Variants in LRRC49 observed in about 807,000 individuals in gnomAD.
LRRC49 encodes leucine-rich repeat-containing protein 49.
A neutral mutation model predicts 83.3 loss-of-function variants in LRRC49; 50 were observed. That is an observed-to-expected ratio of 0.60 (90% CI 0.48 to 0.76). LRRC49 has a LOEUF of 0.76. Ranked by LOEUF, LRRC49 falls within the 30% of genes least tolerant of loss-of-function variation. The probability of loss-of-function intolerance (pLI) is 0.00; values close to 1 mark genes in which losing one functional copy is unlikely to be tolerated. For synonymous variants in LRRC49, 286 were observed against 283.3 expected (o/e 1.01, Z -0.10); for missense variants, 704 against 809.1 (o/e 0.87, Z 1.58).
At chr15:70,949,361 T>G (rs534783387) in intron 8 of LRRC49, among the ~76,000 whole-genome samples, 74 of 152,312 alleles carry the variant, frequency 4.9e-4, no homozygotes, top group Non-Finnish European at 9.7e-4. Flanking sequence ...CATTATAACA[T>G]CATACCGCAA....
chr15:71,034,690 C>T (rs1054634014), intron 14 of LRRC49, among the ~76,000 whole-genome samples: 1 of 152,106 alleles, frequency 6.6e-6, no homozygotes, highest in Non-Finnish European at 1.5e-5. Context: ...ATGGAATATG[C>T]CATGGAATAC....
intron 2 of LRRC49, among the ~76,000 whole-genome samples, chr15:70,878,703 A>G (rs1238002616): frequency 1.3e-5 from 2 of 152,234 alleles, no homozygotes. Flanking sequence ...ATCTAGTAAG[A>G]TGAAGGTGAC....
chr15:70,944,730 T>C (rs1274296125), intron 8 of LRRC49, among the ~76,000 whole-genome samples: 1 of 152,170 alleles, frequency 6.6e-6, no homozygotes, highest in Non-Finnish European at 1.5e-5. Context: ...CTCTTATCAT[T>C]TCTATCTATT....
chr15:70,953,258 T>C (rs1365883936), intron 8 of LRRC49, among the ~76,000 whole-genome samples: 2 of 152,224 alleles, frequency 1.3e-5, no homozygotes, highest in African/African-American at 2.4e-5. Context: ...GTCTTTATGG[T>C]GGCAGGTATC....
chr15:70,911,582 A>G lies in LRRC49; in HGVS notation c.551A>G (p.Asp184Gly). The G allele has an allele frequency of 6.4e-7, 1 of 1,574,128 alleles. No individual in the cohort carries two copies. Among genetic ancestry groups the G allele is most frequent in the Non-Finnish European group, 8.6e-7 (1 of 1,160,856 alleles). ...LENLKSLDVLDLHGNQITKIE... is the reference protein window; with the variant it reads ...LENLKSLDVLGLHGNQITKIE... ...AATCTAAAAAGCTTAGATGTCTTGG[A>G]TCTTCATGGAAATCAGGTATTGTAA... Residue 184 changes from aspartate to glycine, a missense_variant, in exon 6 of 16, where the codon GAT becomes GGT. Coordinates refer to ENST00000260382, the MANE Select transcript of LRRC49 (RefSeq NM_017691.5).
chr15:70,974,993 G>A (rs1412790163), intron 9 of LRRC49, among the ~76,000 whole-genome samples: 1 of 152,148 alleles, frequency 6.6e-6, no homozygotes, highest in Non-Finnish European at 1.5e-5. Context: ...AAGTGACTTG[G>A]AATTGCTAAA....
At chr15:70,944,399 T>C (rs1187387740) in intron 8 of LRRC49, among the ~76,000 whole-genome samples, 1 of 152,148 alleles carries the variant, frequency 6.6e-6, no homozygotes, top group Non-Finnish European at 1.5e-5. Flanking sequence ...TAAATTTCCA[T>C]ATTGCTCTTT....
chr15:70,989,148 G>A (rs1169668276), intron 11 of LRRC49, among the ~76,000 whole-genome samples: 1 of 152,040 alleles, frequency 6.6e-6, no homozygotes, highest in Non-Finnish European at 1.5e-5. Context: ...TATCTTTGTG[G>A]CATTCTCTGT....
rs749220444 is a variant in LRRC49 at position 70,987,278 on chromosome 15, G to A, written c.1169+3021G>A. On this transcript the variant is annotated intron_variant, in intron 11 of 15. Transcript: ENST00000260382. ...TCCATCTGGTCCTGGACTCTTTTTG[G>A]TTGGTAAGCTATTGATTATTGCCAC... Among the ~76,000 whole-genome samples, 859 of 152,230 alleles carry A rather than the reference G, an allele frequency of 5.6e-3. 8 individuals carry two copies. Among genetic ancestry groups the A allele is most frequent in the Admixed American group, 9.6e-3 (146 of 15,282 alleles).
intron 7 of LRRC49, among the ~76,000 whole-genome samples, chr15:70,932,920 G>C (rs2035463746): frequency 6.6e-6 from 1 of 151,746 alleles, no homozygotes; most frequent in Non-Finnish European, 1.5e-5. Context: ...AGTAGAGATG[G>C]GGTTTCACCA....
intron 5 of LRRC49, among the ~76,000 whole-genome samples, chr15:70,905,405 A>G (rs746527621): frequency 1.4e-4 from 22 of 152,172 alleles, no homozygotes; most frequent in Non-Finnish European, 2.9e-4. Context: ...GATATATATT[A>G]TAACCAGGCT....
At chr15:70,933,479 C>T (rs979138632) in intron 7 of LRRC49, among the ~76,000 whole-genome samples, 1 of 152,094 alleles carries the variant, frequency 6.6e-6, no homozygotes, top group Non-Finnish European at 1.5e-5. Flanking sequence ...AAAATAAATA[C>T]TTTTTCTTAA....
intron 11 of LRRC49, among the ~76,000 whole-genome samples, chr15:70,997,337 T>G (rs1468161768): frequency 2.0e-5 from 3 of 152,208 alleles, no homozygotes; most frequent in African/African-American, 7.2e-5. Context: ...TAACGTAATA[T>G]TAGTAGCTAC....
At position 70,904,688 on chromosome 15, in the gene LRRC49, C is replaced by A; in HGVS notation, c.433C>A (p.Gln145Lys). The A allele has an allele frequency of 1.2e-6, 2 of 1,613,336 alleles. No individual in the cohort carries two copies. Among genetic ancestry groups the A allele is most frequent in the South Asian group, 2.2e-5 (2 of 91,028 alleles). ...AATATCGTTGGATTTATATGATAAC[C>A]AGATTGAAGAAATTAGTGGGCTTTC... ...KLISLDLYDNQIEEISGLSTL... is the reference protein window; with the variant it reads ...KLISLDLYDNKIEEISGLSTL... The change falls in exon 5 of 16, where the codon CAG becomes AAG. Residue 145 changes from glutamine (Q) to lysine (K), a missense_variant. By Grantham distance (53) the Gln-to-Lys change is moderately conservative. Transcript: ENST00000260382.
At chr15:70,873,303 T>C (rs2033089353) in intron 2 of LRRC49, 13 of 1,397,036 alleles carry the variant, frequency 9.3e-6, no homozygotes. Context: ...AAACATCATA[T>C]ACGGTCAAAA....
chr15:70,992,833 G>T (rs2037936603), intron 11 of LRRC49, among the ~76,000 whole-genome samples: 2 of 152,196 alleles, frequency 1.3e-5, no homozygotes, highest in Admixed American at 6.5e-5. Context: ...GGGGGTCAGG[G>T]ACCCACTTAA....
chr15:70,977,925 C>G (rs1277125186), intron 9 of LRRC49, among the ~76,000 whole-genome samples: 3 of 152,106 alleles, frequency 2.0e-5, no homozygotes, highest in South Asian at 4.1e-4. Flanking sequence ...ATACAAGTTA[C>G]TAATGTCTTG....
At chr15:70,898,298 G>T (rs2033921125) in intron 3 of LRRC49, 4 of 644,004 alleles carry the variant, frequency 6.2e-6, no homozygotes, top group Non-Finnish European at 1.1e-5. Context: ...ACGCAAAATA[G>T]ATTTTCAATT....
rs373491892 is a variant in LRRC49, at chr15:70,989,874, G to T, written c.1169+5617G>T. Among the ~76,000 whole-genome samples, 50 of 152,304 alleles carry T rather than the reference G, an allele frequency of 3.3e-4. 1 individual carries two copies. Among genetic ancestry groups the T allele is most frequent in the African/African-American group, 1.1e-3 (44 of 41,570 alleles). The stretch of plus-strand genomic sequence containing the variant: ...AGACAGGACCCTCAGCTGCAGGTTT[G>T]TTGGAGTTTGCTAGAGGCCCACTCC... On this transcript the variant is annotated intron_variant, in intron 11 of 15. Coordinates refer to ENST00000260382, the MANE Select transcript of LRRC49 (RefSeq NM_017691.5).
Sources: gnomAD v4.1 joint callset for allele counts (sites outside exome capture counted in the v4.1 genomes callset) on GRCh38, gnomAD v4.1.1 for gene constraint, MANE v1.5 for transcripts, NCBI Gene and HGNC (gene_info 2026-07-23, HGNC 2026-07-21) for gene names.